Variants in DSCAM observed in about 807,000 individuals in gnomAD.
DSCAM encodes the protein DS cell adhesion molecule, also known as cell adhesion molecule DSCAM.
A neutral mutation model predicts 217.7 loss-of-function variants in DSCAM; 47 were observed. That is an observed-to-expected ratio of 0.22 (90% CI 0.17 to 0.28). DSCAM has a LOEUF of 0.28. Among genes scored for constraint, DSCAM ranks in the 10% least tolerant of loss-of-function variants. DSCAM has a pLI of 1.00. For synonymous variants in DSCAM, 1,056 were observed against 1,015.3 expected (o/e 1.04, Z -0.76); for missense variants, 2,080 against 2,618.3 (o/e 0.79, Z 4.49).
At chr21:40,309,306 A>G (rs544924446) in intron 9 of DSCAM, among the ~76,000 whole-genome samples, 6 of 152,202 alleles carry the variant, frequency 3.9e-5, no homozygotes, top group Non-Finnish European at 8.8e-5. Flanking sequence ...AAGGTCATAA[A>G]CAATATCCAT....
chr21:40,330,735 C>A (rs931821154), intron 8 of DSCAM, among the ~76,000 whole-genome samples: 1 of 152,090 alleles, frequency 6.6e-6, no homozygotes, highest in Non-Finnish European at 1.5e-5. Context: ...AGCATGAGTG[C>A]TTTCTTGCGT....
chr21:40,674,518 A>T (rs1156639310), intron 3 of DSCAM, among the ~76,000 whole-genome samples: 1 of 151,956 alleles, frequency 6.6e-6, no homozygotes, highest in Non-Finnish European at 1.5e-5. Context: ...TCCATGTACC[A>T]TCCCCCAGCT....
At chr21:40,583,054 C>A (rs2076917721) in intron 3 of DSCAM, among the ~76,000 whole-genome samples, 1 of 151,914 alleles carries the variant, frequency 6.6e-6, no homozygotes, top group Non-Finnish European at 1.5e-5. Flanking sequence ...TCAAGGATGA[C>A]TGACTATGAA....
chr21:40,474,774 G>C (rs553585782), intron 3 of DSCAM, among the ~76,000 whole-genome samples: 1 of 152,302 alleles, frequency 6.6e-6, no homozygotes, highest in South Asian at 2.1e-4. Context: ...GCGAGTGCGT[G>C]CGTTCTGCCT....
chr21:40,692,722 C>T (rs2146449951), intron 3 of DSCAM, 88 bp downstream of exon 3: 1 of 1,440,554 alleles, frequency 6.9e-7, no homozygotes, highest in African/African-American at 1.4e-5. Flanking sequence ...TTATGATGAA[C>T]ACATAAACGG....
chr21:40,686,046 T>C (rs962263006), intron 3 of DSCAM, among the ~76,000 whole-genome samples: 15 of 151,928 alleles, frequency 9.9e-5, no homozygotes, highest in African/African-American at 3.6e-4. Context: ...AAACTTAAAA[T>C]AGGAAATCAA....
intron 3 of DSCAM, among the ~76,000 whole-genome samples, chr21:40,629,072 G>A (rs2089647357): frequency 2.2e-5 from 3 of 133,550 alleles, no homozygotes; most frequent in Admixed American, 8.3e-5. Flanking sequence ...GTATGTGTGT[G>A]TGTGGTGTGT....
At chr21:40,700,443 T>C (rs866762959) in intron 2 of DSCAM, among the ~76,000 whole-genome samples, 1 of 152,212 alleles carries the variant, frequency 6.6e-6, no homozygotes, top group African/African-American at 2.4e-5. Context: ...TCTGTGTCTG[T>C]TGAAATGATC....
At chr21:40,304,188 A>G (rs1330632713) in intron 9 of DSCAM, among the ~76,000 whole-genome samples, 2 of 152,132 alleles carry the variant, frequency 1.3e-5, no homozygotes, top group Non-Finnish European at 2.9e-5. Flanking sequence ...TTTCTTCAAG[A>G]CAACAGCTAA....
chr21:40,120,856 C>G (rs865801864), intron 20 of DSCAM, among the ~76,000 whole-genome samples: 1 of 152,022 alleles, frequency 6.6e-6, no homozygotes, highest in African/African-American at 2.4e-5. Context: ...GAAATAAATG[C>G]CTATCAGCAG....
At chr21:40,207,883 T>C (rs1236477084) in intron 11 of DSCAM, among the ~76,000 whole-genome samples, 1 of 152,136 alleles carries the variant, frequency 6.6e-6, no homozygotes, top group Admixed American at 6.5e-5. Context: ...CACTCCTCCA[T>C]GTGTGTGGCT....
chr21:40,636,678 T>C (rs1331924812), intron 3 of DSCAM, among the ~76,000 whole-genome samples: 1 of 151,320 alleles, frequency 6.6e-6, no homozygotes, highest in Non-Finnish European at 1.5e-5. Context: ...TCCACTTCTA[T>C]ATCTATAAAT....
intron 16 of DSCAM, among the ~76,000 whole-genome samples, chr21:40,150,306 C>T (rs1011351259): frequency 6.6e-6 from 1 of 152,168 alleles, no homozygotes; most frequent in Admixed American, 6.5e-5. Context: ...CATGGCATTT[C>T]TAATCAGAGG....
chr21:40,591,557 G>C (rs928902577), intron 3 of DSCAM, among the ~76,000 whole-genome samples: 8 of 152,172 alleles, frequency 5.3e-5, no homozygotes, highest in Non-Finnish European at 8.8e-5. Flanking sequence ...ACTTGTGAGG[G>C]TATGTTATAT....
rs2088057646 is a variant in DSCAM, at chr21:40,011,640, G to A, written c.*1394C>T. Reference sequence around the variant, plus strand: ...AAAGCAAACCCTGTGAGGGTTGTGGGATAAAGAATGCAGTTCCGACTATTT... The same window carrying A: ...AAAGCAAACCCTGTGAGGGTTGTGGAATAAAGAATGCAGTTCCGACTATTT... On this transcript the variant is annotated 3_prime_UTR_variant, in exon 33 of 33. Coordinates refer to ENST00000400454, the MANE Select transcript of DSCAM (RefSeq NM_001389.5). 6.6e-6 allele frequency: 1 copy of A among 152,178 alleles called. No homozygotes were observed. Among genetic ancestry groups the A allele is most frequent in the African/African-American group, 2.4e-5 (1 of 41,438 alleles). The allele number at this position is 152,178 out of a possible 1,614,324, so 9.4% of individuals were successfully genotyped here.
At chr21:40,143,517 C>T (rs544145399) in intron 17 of DSCAM, among the ~76,000 whole-genome samples, 2 of 152,210 alleles carry the variant, frequency 1.3e-5, no homozygotes, top group African/African-American at 2.4e-5. Context: ...AAGGGCCGGG[C>T]GCGGTGGCTC....
At chr21:40,315,629 A>G (rs1412084771) in intron 8 of DSCAM, among the ~76,000 whole-genome samples, 1 of 152,178 alleles carries the variant, frequency 6.6e-6, no homozygotes, top group Non-Finnish European at 1.5e-5. Context: ...TCATCAGTGT[A>G]TGGTATTTAA....
chr21:40,306,947 C>T (rs1482286963), intron 9 of DSCAM, among the ~76,000 whole-genome samples: 1 of 152,106 alleles, frequency 6.6e-6, no homozygotes, highest in East Asian at 1.9e-4. Flanking sequence ...CAGGATGACG[C>T]TGGCCTCATA....
At chr21:40,097,593 G>A (rs2089691277) in intron 20 of DSCAM, among the ~76,000 whole-genome samples, 1 of 152,108 alleles carries the variant, frequency 6.6e-6, no homozygotes, top group South Asian at 2.1e-4. Context: ...TAAAGGCAAA[G>A]ATTGTCAGAC....
Sources: allele counts gnomAD v4.1 joint callset (sites outside exome capture counted in the v4.1 genomes callset), GRCh38; gene constraint gnomAD v4.1.1; transcripts MANE v1.5; gene names NCBI Gene and HGNC (gene_info 2026-07-23, HGNC 2026-07-21).